ZNF248: variants seen among roughly 807,000 people sequenced by gnomAD.
ZNF248 encodes the protein zinc finger protein 248.
ZNF248 carries 20 observed loss-of-function variants against 44.3 expected under a neutral mutation model. The ratio of observed to expected loss-of-function variants is 0.45; its 90% confidence interval spans 0.32 to 0.66. ZNF248 has a LOEUF of 0.66. Among genes scored for constraint, ZNF248 ranks in the 30% least tolerant of loss-of-function variants. The probability of loss-of-function intolerance (pLI) is 0.04; values close to 1 mark genes in which losing one functional copy is unlikely to be tolerated. For synonymous variants in ZNF248, 224 were observed against 229.0 expected (o/e 0.98, Z 0.20); for missense variants, 654 against 677.0 (o/e 0.97, Z 0.38).
intron 6 of ZNF248, among the ~76,000 whole-genome samples, chr10:37,816,040 G>A (rs904299486): frequency 3.3e-5 from 5 of 149,874 alleles, no homozygotes; most frequent in East Asian, 3.9e-4. Flanking sequence ...GGGAAAGCAC[G>A]AAGTCTTTAA....
chr10:37,839,578 T>C (rs2057952159), intron 3 of ZNF248, among the ~76,000 whole-genome samples: 1 of 151,354 alleles, frequency 6.6e-6, no homozygotes, highest in Non-Finnish European at 1.5e-5. Flanking sequence ...AAGTACAATA[T>C]CTGAAATTAA....
At chr10:37,818,653 C>T (rs2052951072) in intron 6 of ZNF248, 1 of 509,928 alleles carries the variant, frequency 2.0e-6, no homozygotes, top group Non-Finnish European at 3.7e-6. Flanking sequence ...GCAATAGCAG[C>T]CCCAGCAGGG....
intron 6 of ZNF248, chr10:37,820,373 A>C (rs2053266398): frequency 6.9e-7 from 1 of 1,456,576 alleles, no homozygotes; most frequent in Non-Finnish European, 9.6e-7. Context: ...GGTCAAGCCG[A>C]GGTTTTGTTA....
At chr10:37,847,659 T>G (rs1338257427) in intron 3 of ZNF248, among the ~76,000 whole-genome samples, 1 of 152,194 alleles carries the variant, frequency 6.6e-6, no homozygotes, top group Non-Finnish European at 1.5e-5. Flanking sequence ...AGTGTTTATT[T>G]TGTTGGAAAA....
the ZNF248 span, among the ~76,000 whole-genome samples, chr10:37,763,825 T>C: frequency 1.3e-5 from 2 of 152,364 alleles, no homozygotes; most frequent in South Asian, 4.1e-4. Flanking sequence ...TCTCTGAACA[T>C]AAATTGTGAA....
intron 3 of ZNF248, among the ~76,000 whole-genome samples, chr10:37,850,157 T>C (rs2059988240): frequency 6.6e-6 from 1 of 152,230 alleles, no homozygotes; most frequent in Admixed American, 6.5e-5. Flanking sequence ...GCTCCTTGTA[T>C]ATTAAATAGC....
chr10:37,784,858 AAC>A (rs1478328149), intron 6 of ZNF248, among the ~76,000 whole-genome samples: 4 of 152,186 alleles, frequency 2.6e-5, no homozygotes, highest in Non-Finnish European at 4.4e-5. Context: ...AAAAACAAAA[AAC>A]AAAACAAACA....
chr10:37,804,135 C>G lies in ZNF248; in HGVS notation c.331-27560G>C, dbSNP rs539665864. On this transcript the variant is annotated intron_variant, in intron 6 of 6. Transcript: ENST00000615949. ...TTTTTTTTTTTGAGACAGGGTTTCT[C>G]TCTCTGTCACCCAGGCTGGAGTGCA... 2.9e-4 allele frequency among the ~76,000 whole-genome samples: 35 copies of G among 120,648 alleles called. No individual in the cohort carries two copies. The South Asian group carries it at 5.8e-3, about 20-fold the overall frequency. 79.1% of individuals were successfully genotyped at this position (120,648 alleles called of 152,430 possible).
the ZNF248 span, among the ~76,000 whole-genome samples, chr10:37,759,156 G>T: frequency 6.6e-6 from 1 of 152,158 alleles, no homozygotes; most frequent in African/African-American, 2.4e-5. Context: ...GAGCAGATTT[G>T]AAAAGCAGTA....
At chr10:37,841,886 C>A (rs2058413119) in intron 3 of ZNF248, among the ~76,000 whole-genome samples, 1 of 152,136 alleles carries the variant, frequency 6.6e-6, no homozygotes, top group Admixed American at 6.5e-5. Flanking sequence ...CTGACTTGAA[C>A]CCCTCAAAAC....
Position 37,832,600 on chromosome 10 carries a change from A to G in ZNF248, c.755T>C (p.Ile252Thr), listed in dbSNP as rs760808287. 8 of 1,613,548 alleles carry G rather than the reference A, an allele frequency of 5.0e-6. No homozygotes were observed. Among genetic ancestry groups the G allele is most frequent in the Admixed American group, 1.7e-5 (1 of 59,976 alleles). The change falls in exon 6 of 6, where the codon ATT (isoleucine) becomes ACT (threonine). Residue 252 changes from isoleucine to threonine, a missense_variant. Physicochemically the swap from Ile to Thr is moderately conservative, Grantham distance 89 (BLOSUM62 -1). Transcript: ENST00000395867. ...CKYNECGRTF[I>T]ESLKLNISQR... The stretch of plus-strand genomic sequence containing the variant: ...AGATATATTCAGCTTTAAACTTTCA[A>G]TGAAGGTTCTTCCACATTCGTTATA...
At chr10:37,771,323 G>A in the ZNF248 span, among the ~76,000 whole-genome samples, 11 of 152,088 alleles carry the variant, frequency 7.2e-5, no homozygotes, top group Admixed American at 2.6e-4. Context: ...ACATGCACAC[G>A]TATGTTTATT....
At chr10:37,819,974 G>T (rs559422970) in intron 6 of ZNF248, 1 of 767,406 alleles carries the variant, frequency 1.3e-6, no homozygotes, top group East Asian at 2.4e-5. Context: ...CATCTCAAGC[G>T]GTCTTGCATG....
chr10:37,766,787 G>A, the ZNF248 span, among the ~76,000 whole-genome samples: 15 of 152,166 alleles, frequency 9.9e-5, no homozygotes, highest in Admixed American at 1.3e-4. Context: ...TGACTTTGAC[G>A]AGCTGAGAGA....
chr10:37,785,347 T>C (rs1011766392), intron 6 of ZNF248, among the ~76,000 whole-genome samples: 1 of 152,180 alleles, frequency 6.6e-6, no homozygotes, highest in African/African-American at 2.4e-5. Context: ...GTGTAATCTA[T>C]TGACTATGTG....
intron 3 of ZNF248, among the ~76,000 whole-genome samples, chr10:37,844,437 G>T (rs887698046): frequency 6.6e-6 from 1 of 152,098 alleles, no homozygotes; most frequent in Non-Finnish European, 1.5e-5. Context: ...AAAAATGTAA[G>T]TACAAAAGCC....
chr10:37,792,495 T>C (rs186907246), intron 6 of ZNF248, among the ~76,000 whole-genome samples: 82 of 152,300 alleles, frequency 5.4e-4, no homozygotes, highest in African/African-American at 1.9e-3. Flanking sequence ...GAGTATGAGC[T>C]GGACTTAGCA....
intron 6 of ZNF248, among the ~76,000 whole-genome samples, chr10:37,809,899 C>T (rs2051219844): frequency 6.6e-6 from 1 of 151,984 alleles, no homozygotes; most frequent in Admixed American, 6.6e-5. Context: ...GTAGAATATA[C>T]TTTGTATAAT....
chr10:37,781,101 G>C (rs371648205), intron 6 of ZNF248, among the ~76,000 whole-genome samples: 6 of 152,158 alleles, frequency 3.9e-5, no homozygotes, highest in East Asian at 1.9e-4. Flanking sequence ...CAGAACCCTA[G>C]AATGTGATTT....
Sources: gnomAD v4.1 joint callset for allele counts (sites outside exome capture counted in the v4.1 genomes callset) on GRCh38, gnomAD v4.1.1 for gene constraint, MANE v1.5 for transcripts, NCBI Gene and HGNC (gene_info 2026-07-23, HGNC 2026-07-21) for gene names.